The following SH3GL1 variants were observed in gnomAD, a reference collection of about 807,000 sequenced individuals.
SH3GL1 encodes SH3 domain containing GRB2 like 1, endophilin A2.
Under a neutral mutation model 48.8 loss-of-function variants are expected in SH3GL1, and 21 were observed. The observed-to-expected ratio is 0.43, with a 90% CI of 0.30 to 0.62. The LOEUF (loss-of-function observed/expected upper bound fraction) is 0.62, where lower values mean the gene tolerates loss of function less well. Among genes scored for constraint, SH3GL1 ranks in the 20% least tolerant of loss-of-function variants. The pLI, the probability that SH3GL1 is intolerant of heterozygous loss-of-function variation, is 0.11. For synonymous variants in SH3GL1, 282 were observed against 217.5 expected, an observed-to-expected ratio of 1.30 and a Z score of -2.61; for missense variants, 454 against 503.0, an observed-to-expected ratio of 0.90 and a Z score of 0.93.
Position 4,362,690 on chromosome 19 carries a change from G to A in SH3GL1, c.775C>T (p.Pro259Ser). The A allele has an allele frequency of 2.5e-6, 4 of 1,613,990 alleles. No individual in the cohort carries two copies. Among genetic ancestry groups the A allele is most frequent in the African/African-American group, 1.3e-5 (1 of 75,060 alleles). Residue 259 changes from proline to serine, a missense_variant, in exon 8 of 10, where the codon CCC becomes TCC. This residue lies in a region of SH3GL1 where 278 missense variants were observed against 246.8 expected (regional missense o/e 1.13). Transcript: ENST00000269886. ...TCTCCAAGGTCAAAGGGCTCCCGGG[G>A]CTTGGGCTTATACTCCCGCTTAGGG... is the stretch of plus-strand genomic sequence containing the variant. ...SRPKREYKPK[P>S]REPFDLGEPE...
intron 1 of SH3GL1, among the ~76,000 whole-genome samples, chr19:4,393,493 A>T (rs1246098568): frequency 2.0e-5 from 3 of 152,154 alleles, no homozygotes; most frequent in Admixed American, 1.3e-4. Context: ...CAAAAAAATT[A>T]AAAAATAAAT....
chr19:4,390,475 G>A (rs1206419261), intron 1 of SH3GL1: 1 of 152,506 alleles, frequency 6.6e-6, no homozygotes, highest in Non-Finnish European at 1.5e-5. Context: ...GGGAGAGACA[G>A]AGAGAAAGAC....
At chr19:4,392,563 CACACACAA>C (rs1302086993) in intron 1 of SH3GL1, among the ~76,000 whole-genome samples, 3 of 142,066 alleles carry the variant, frequency 2.1e-5, no homozygotes, top group African/African-American at 8.5e-5. Flanking sequence ...CACACACACA[CACACACAA>C]AAGATCATTC....
Position 4,367,012 on chromosome 19 carries a change from G to T in SH3GL1, c.46-18C>A, listed in dbSNP as rs1263555299. 1.2e-6 allele frequency: 2 copies of T among 1,613,140 alleles called. No homozygotes were observed. The highest frequency in any genetic ancestry group is 1.7e-6 in the Non-Finnish European group (2 of 1,179,154). On this transcript the variant is annotated intron_variant, in intron 1 of 9. Transcript: ENST00000269886. The surrounding 1 kb of genome is among the most constrained non-coding windows in gnomAD (Gnocchi z 4.2). ...CTGACCAGCTAGAGGACAGAAGAGGGGAAACGCTGTGAGCCCAGGGGTAGG... is the reference window on the plus strand; with the variant it reads ...CTGACCAGCTAGAGGACAGAAGAGGTGAAACGCTGTGAGCCCAGGGGTAGG...
In SH3GL1 at chr19:4,362,336, C is replaced by T. The variant is rs1972641225; in HGVS notation, c.903G>A (p.Arg301=). The change falls in exon 9 of 10, where the codon CGG becomes CGA. Residue 301 remains arginine, a synonymous_variant. Transcript: ENST00000269886. ...SSDKPIRTPS[R]SMPPLDQPSC... is the part of the protein sequence containing the mutation. The stretch of plus-strand genomic sequence containing the variant: ...GGGCCTGGGAACACTCACGCATGCT[C>T]CGGCTAGGGGTCCGGATGGGCTTGT... 2 of 1,611,970 alleles carry T rather than the reference C, an allele frequency of 1.2e-6. No homozygotes were observed. Among genetic ancestry groups the T allele is most frequent in the Non-Finnish European group, 8.5e-7 (1 of 1,179,002 alleles).
intron 1 of SH3GL1, among the ~76,000 whole-genome samples, chr19:4,372,538 T>TGTG (rs1215846045): frequency 6.6e-6 from 1 of 152,152 alleles, no homozygotes; most frequent in African/African-American, 2.4e-5. Flanking sequence ...TAAGGATCCC[T>TGTG]GTGGTGTAGA....
intron 4 of SH3GL1, chr19:4,364,492 A>G (rs1038579763): frequency 8.7e-5 from 40 of 459,932 alleles, no homozygotes; most frequent in African/African-American, 7.3e-4. Flanking sequence ...GTGCAGTGGC[A>G]TGATCTCAGC....
intron 1 of SH3GL1, among the ~76,000 whole-genome samples, chr19:4,396,614 G>C (rs1314078820): frequency 2.0e-5 from 3 of 152,154 alleles, no homozygotes; most frequent in Non-Finnish European, 4.4e-5. Context: ...GAATGGCTCA[G>C]TGGGGATTTT....
rs182858531 is a variant in SH3GL1, at chr19:4,397,040, G to A, written c.45+3284C>T. ...AAATGTTTGTATCACTACGTAATGA[G>A]AGATCCCGAGAGATGTCACTTTCCA... On this transcript the variant is annotated intron_variant, in intron 1 of 9. Transcript: ENST00000269886. Among the ~76,000 whole-genome samples the A allele has an allele frequency of 1.2e-3, 184 of 152,250 alleles. 1 individual carries two copies. The highest frequency in any genetic ancestry group is 2.1e-3 in the Non-Finnish European group (145 of 68,028).
intron 1 of SH3GL1, among the ~76,000 whole-genome samples, chr19:4,380,729 G>A (rs1973104535): frequency 6.6e-6 from 1 of 152,188 alleles, no homozygotes; most frequent in South Asian, 2.1e-4. Flanking sequence ...GCAATAGCAT[G>A]TTCTGTGTAA....
chr19:4,383,672 A>AGGAACACGAGACGGCACTGC (rs1206718524), intron 1 of SH3GL1, among the ~76,000 whole-genome samples: 5 of 152,210 alleles, frequency 3.3e-5, no homozygotes, highest in African/African-American at 1.2e-4. Context: ...CCTGGCACTG[A>AGGAACACGAGACGGCACTGC]GGAACACGAG....
intron 1 of SH3GL1, among the ~76,000 whole-genome samples, chr19:4,385,388 G>T (rs1479428295): frequency 2.0e-5 from 3 of 152,202 alleles, no homozygotes; most frequent in Non-Finnish European, 4.4e-5. Flanking sequence ...GCCGACCAGC[G>T]TGTGGCCCAG....
At chr19:4,365,699 C>A in intron 3 of SH3GL1, 74 bp from the exon 4 acceptor site, 1 of 1,590,954 alleles carries the variant, frequency 6.3e-7, no homozygotes, top group Non-Finnish European at 8.6e-7. Context: ...GCAGCCCCCA[C>A]ATCTCCTCCC....
At chr19:4,398,204 G>T (rs947402686) in intron 1 of SH3GL1, among the ~76,000 whole-genome samples, 2 of 151,992 alleles carry the variant, frequency 1.3e-5, no homozygotes, top group African/African-American at 2.4e-5. Context: ...CTGGGGACTC[G>T]TTTCTCTTTG....
intron 1 of SH3GL1, among the ~76,000 whole-genome samples, chr19:4,379,436 A>T (rs950127858): frequency 3.3e-5 from 5 of 151,994 alleles, no homozygotes; most frequent in African/African-American, 4.8e-5. Context: ...AAAAAAAAAA[A>T]AAAAATAAAG....
rs1451164571 is a variant in SH3GL1 at position 4,376,092 on chromosome 19, C to G, written c.46-9098G>C. ...ACAGCGGTGAGAGGCTGCAGGTGCA[C>G]AGATCTCAACGAGGGGCCGTGAGTT... is the stretch of plus-strand genomic sequence containing the variant. On this transcript the variant is annotated intron_variant, in intron 1 of 9. Coordinates refer to ENST00000269886, the MANE Select transcript of SH3GL1 (RefSeq NM_003025.4). This position sits in a 1 kb window ranked among gnomAD's most constrained non-coding sequence, Gnocchi z 4.3. Among the ~76,000 whole-genome samples the G allele has an allele frequency of 2.0e-5, 3 of 152,216 alleles. No individual in the cohort carries two copies. The highest frequency in any genetic ancestry group is 4.4e-5 in the Non-Finnish European group (3 of 68,042).
chr19:4,393,781 C>T (rs1172817362), intron 1 of SH3GL1, among the ~76,000 whole-genome samples: 1 of 151,940 alleles, frequency 6.6e-6, no homozygotes, highest in Non-Finnish European at 1.5e-5. Context: ...CAGAGCTAGA[C>T]TCTGTCTCAA....
At chr19:4,384,394 G>A (rs1202483400) in intron 1 of SH3GL1, among the ~76,000 whole-genome samples, 5 of 152,218 alleles carry the variant, frequency 3.3e-5, no homozygotes, top group Admixed American at 6.5e-5. Context: ...CGCAACACAC[G>A]ATATTGCTAG....
rs374761028 is a variant in SH3GL1 at position 4,375,311 on chromosome 19, T to C, written c.46-8317A>G. Among the ~76,000 whole-genome samples the C allele has an allele frequency of 2.8e-4, 43 of 152,254 alleles. No homozygotes were observed. The South Asian group carries it at 5.4e-3, about 19-fold the overall frequency. On this transcript the variant is annotated intron_variant, in intron 1 of 9. Transcript: ENST00000269886. The stretch of plus-strand genomic sequence containing the variant: ...GACAGCTAAGGGCCTAGGAGAGACA[T>C]GCCTGGCCCAAGGCCAGACAGCAGG...
Sources: allele counts gnomAD v4.1 joint callset (sites outside exome capture counted in the v4.1 genomes callset), GRCh38; gene constraint gnomAD v4.1.1; regional missense constraint gnomAD v4.1.1; non-coding constraint Gnocchi (gnomAD v3.1); transcripts MANE v1.5; gene names NCBI Gene and HGNC (gene_info 2026-07-23, HGNC 2026-07-21).